Variants in DNAJA2 observed in about 807,000 individuals in gnomAD.
DNAJA2 encodes the protein dnaJ homolog subfamily A member 2.
Under a neutral mutation model 49.3 loss-of-function variants are expected in DNAJA2, and 6 were observed. The ratio of observed to expected loss-of-function variants is 0.12; its 90% CI spans 0.07 to 0.24. The LOEUF (loss-of-function observed/expected upper bound fraction) is 0.24, where lower values mean the gene tolerates loss of function less well. Among genes scored for constraint, DNAJA2 ranks in the 10% least tolerant of loss-of-function variants. The pLI, the probability that DNAJA2 is intolerant of heterozygous loss-of-function variation, is 1.00. For missense variants in DNAJA2, 347 were observed against 516.8 expected (o/e 0.67, Z 3.19); for synonymous variants, 160 against 172.7 (o/e 0.93, Z 0.58).
intron 3 of DNAJA2, among the ~76,000 whole-genome samples, chr16:46,969,858 T>C (rs551837223): frequency 3.9e-5 from 6 of 152,324 alleles, no homozygotes; most frequent in South Asian, 2.1e-4. Context: ...TGAAGAACTA[T>C]AAAGTACAGA....
intron 1 of DNAJA2, chr16:46,972,511 A>G (rs915909807): frequency 1.9e-5 from 3 of 155,000 alleles, no homozygotes; most frequent in African/African-American, 7.2e-5. Flanking sequence ...TCGGTGGTAG[A>G]GAAGTTGCAC....
In DNAJA2 at chr16:46,956,307, T is replaced by TA. The variant is rs1347888124; in HGVS notation, c.*721dup. Reference sequence around the variant, plus strand: ...TATAAGCTTCAGGCCAATGGGTTTTTATGGGCTGTTTAAGAACCAGTACTA... The same window carrying TA: ...TATAAGCTTCAGGCCAATGGGTTTTTAATGGGCTGTTTAAGAACCAGTACTA... On this transcript the variant is annotated 3_prime_UTR_variant, in exon 9 of 9. Coordinates refer to ENST00000317089, the MANE Select transcript of DNAJA2 (RefSeq NM_005880.4). 6.6e-6 allele frequency: 1 copy of TA among 152,198 alleles called. No individual in the cohort carries two copies. Among genetic ancestry groups the TA allele is most frequent in the Non-Finnish European group, 1.5e-5 (1 of 68,044 alleles). 9.4% of individuals were successfully genotyped at this position (152,198 alleles called of 1,614,324 possible).
intron 3 of DNAJA2, among the ~76,000 whole-genome samples, chr16:46,970,910 T>C (rs1305812644): frequency 6.6e-6 from 1 of 151,660 alleles, no homozygotes; most frequent in Non-Finnish European, 1.5e-5. Flanking sequence ...TGTTGGCATA[T>C]GCCTGTAATC....
Position 46,959,093 on chromosome 16 carries a change from C to T in DNAJA2, c.957G>A (p.Gln319=). The T allele has an allele frequency of 1.3e-6, 2 of 1,597,888 alleles. No homozygotes were observed. Among genetic ancestry groups the T allele is most frequent in the Middle Eastern group, 1.7e-4 (1 of 5,886 alleles). Residue 319 remains glutamine, a synonymous_variant, in exon 8 of 9, where the codon CAG becomes CAA. Transcript: ENST00000317089. ...CACCTTTTTCAAAGGGATTACGATA[C>T]TGCGGCATCCCTTCACCTCGAACTA... is the stretch of plus-strand genomic sequence containing the variant. The part of the protein sequence containing the change: ...VRVVRGEGMP[Q]YRNPFEKGDL...
At chr16:46,967,999 A>G in intron 4 of DNAJA2, 85 bp downstream of exon 4, 1 of 1,313,236 alleles carries the variant, frequency 7.6e-7, no homozygotes, top group Non-Finnish European at 1.1e-6. Context: ...TTTAACTTAT[A>G]ACAATTTTTA....
intron 6 of DNAJA2, among the ~76,000 whole-genome samples, chr16:46,961,865 T>C (rs1961900387): frequency 6.6e-6 from 1 of 151,722 alleles, no homozygotes; most frequent in African/African-American, 2.4e-5. Flanking sequence ...GTACAGGTTA[T>C]AGAGGCGTGA....
chr16:46,964,852 G>C lies in DNAJA2; in HGVS notation c.578-45C>G, dbSNP rs772211805. Reference sequence around the variant, plus strand: ...AAACTTTCAGCAAGAGTACTATACTGTACTCTTAATACCCTTATTCTTTAA... The same window carrying C: ...AAACTTTCAGCAAGAGTACTATACTCTACTCTTAATACCCTTATTCTTTAA... On this transcript the variant is annotated intron_variant, in intron 5 of 8. Coordinates refer to ENST00000317089, the MANE Select transcript of DNAJA2 (RefSeq NM_005880.4). The C allele has an allele frequency of 2.7e-6, 4 of 1,459,664 alleles. No homozygotes were observed. The Admixed American group carries it at 7.8e-5, about 28-fold the overall frequency. The allele number at this position is 1,459,664 out of a possible 1,614,324, so 90.4% of individuals were successfully genotyped here. A position where few individuals can be genotyped will look rare whatever the true frequency, so the allele number is the denominator to read the frequency against.
At chr16:46,966,021 C>T (rs1053595707) in intron 5 of DNAJA2, among the ~76,000 whole-genome samples, 5 of 150,474 alleles carry the variant, frequency 3.3e-5, no homozygotes, top group Admixed American at 6.6e-5. Context: ...CCCAGGAGTT[C>T]GAGACCAGCC....
chr16:46,963,870 CT>C (rs1233183535), intron 6 of DNAJA2, among the ~76,000 whole-genome samples: 1 of 152,192 alleles, frequency 6.6e-6, no homozygotes. Flanking sequence ...AAAATACAGG[CT>C]GCCTTAGATC....
chr16:46,964,736 G>C lies in DNAJA2; in HGVS notation c.649C>G (p.Leu217Val), dbSNP rs1017561265. The C allele has an allele frequency of 6.2e-7, 1 of 1,614,080 alleles. No individual in the cohort carries two copies. Among genetic ancestry groups the C allele is most frequent in the South Asian group, 1.1e-5 (1 of 91,084 alleles). ...ATGCCTTTGTCTACGTGGACTTCAAGAATCTTGACTTCTTTAATCACCTTC... is the reference window on the plus strand; with the variant it reads ...ATGCCTTTGTCTACGTGGACTTCAACAATCTTGACTTCTTTAATCACCTTC... The part of the protein sequence containing the change: ...GKKVIKEVKI[L>V]EVHVDKGMKH... Residue 217 changes from leucine (L) to valine (V), a missense_variant, in exon 6 of 9, where the codon CTT becomes GTT. By Grantham distance (32) the Leu-to-Val change is conservative. Transcript: ENST00000317089.
chr16:46,957,919 C>A (rs991759758), intron 8 of DNAJA2, among the ~76,000 whole-genome samples: 1 of 152,132 alleles, frequency 6.6e-6, no homozygotes, highest in Non-Finnish European at 1.5e-5. Flanking sequence ...GTCTACTTTA[C>A]TCCTCTACAA....
intron 1 of DNAJA2, 47 bp from the exon 2 acceptor site, chr16:46,972,002 T>C (rs1567355552): frequency 7.5e-7 from 1 of 1,340,652 alleles, no homozygotes; most frequent in Non-Finnish European, 1.1e-6. Context: ...AAACACCAGT[T>C]AAAAGTTTTG....
chr16:46,961,417 G>A (rs886381784), intron 6 of DNAJA2, among the ~76,000 whole-genome samples: 3 of 151,194 alleles, frequency 2.0e-5, no homozygotes, highest in East Asian at 2.0e-4. Flanking sequence ...GGCAGGGCAC[G>A]GTGGCTCACA....
chr16:46,955,969 G>A lies in DNAJA2; in HGVS notation c.*1060C>T, dbSNP rs548132077. 1 of 151,960 alleles carries A rather than the reference G, an allele frequency of 6.6e-6. No homozygotes were observed. The highest frequency in any genetic ancestry group is 1.5e-5 in the Non-Finnish European group (1 of 68,012). 9.4% of individuals were successfully genotyped at this position (151,960 alleles called of 1,614,324 possible). A position where few individuals can be genotyped will look rare whatever the true frequency, so the allele number is the denominator to read the frequency against. ...TCTTACTTTTCTATAAAACATTACA[G>A]AAACTCAAAATAATAATCAATGGCT... On this transcript the variant is annotated 3_prime_UTR_variant, in exon 9 of 9. Coordinates refer to ENST00000317089, the MANE Select transcript of DNAJA2 (RefSeq NM_005880.4).
At position 46,956,478 on chromosome 16, in the gene DNAJA2, A is replaced by G. The variant is rs1961814852; in HGVS notation, c.*551T>C. On this transcript the variant is annotated 3_prime_UTR_variant, in exon 9 of 9. Coordinates refer to ENST00000317089, the MANE Select transcript of DNAJA2 (RefSeq NM_005880.4). ...GAAAAAAGAAAAAAAAAACAAAACC[A>G]AAAACAAAAAAACTTTACAACCACA... 1 of 152,276 alleles carries G rather than the reference A, an allele frequency of 6.6e-6. No individual in the cohort carries two copies. The highest frequency in any genetic ancestry group is 6.6e-5 in the Admixed American group (1 of 15,264). The allele number at this position is 152,276 out of a possible 1,614,324, so 9.4% of individuals were successfully genotyped here. A position where few individuals can be genotyped will look rare whatever the true frequency, so the allele number is the denominator to read the frequency against.
At position 46,959,070 on chromosome 16, in the gene DNAJA2, C is replaced by T; in HGVS notation, c.980G>A (p.Gly327Asp). 6 of 1,613,366 alleles carry T rather than the reference C, an allele frequency of 3.7e-6. No homozygotes were observed. The highest frequency in any genetic ancestry group is 5.1e-6 in the Non-Finnish European group (6 of 1,179,768). The change falls in exon 8 of 9, where the codon GGT (glycine) becomes GAT (aspartate). Residue 327 changes from glycine (G) to aspartate (D), a missense_variant. Coordinates refer to ENST00000317089, the MANE Select transcript of DNAJA2 (RefSeq NM_005880.4). The stretch of plus-strand genomic sequence containing the variant: ...CACATCAAACTTTATGTAAAGATCA[C>T]CTTTTTCAAAGGGATTACGATACTG... The part of the protein sequence containing the change: ...MPQYRNPFEK[G>D]DLYIKFDVQF...
chr16:46,959,095 G>C lies in DNAJA2; in HGVS notation c.955C>G (p.Gln319Glu). 1 of 1,580,842 alleles carries C rather than the reference G, an allele frequency of 6.3e-7. No homozygotes were observed. Among genetic ancestry groups the C allele is most frequent in the Non-Finnish European group, 8.6e-7 (1 of 1,164,870 alleles). The stretch of plus-strand genomic sequence containing the variant: ...CCTTTTTCAAAGGGATTACGATACT[G>C]CGGCATCCCTTCACCTCGAACTACA... The part of the protein sequence containing the change: ...VRVVRGEGMP[Q>E]YRNPFEKGDL... The change falls in exon 8 of 9, where the codon CAG becomes GAG. Residue 319 changes from glutamine (Q) to glutamate (E), a missense_variant. Coordinates refer to ENST00000317089, the MANE Select transcript of DNAJA2 (RefSeq NM_005880.4).
In DNAJA2 at chr16:46,955,667, T is replaced by C. The variant is rs879022612; in HGVS notation, c.*1362A>G. The C allele has an allele frequency of 1.3e-5, 2 of 152,222 alleles. No individual in the cohort carries two copies. Among genetic ancestry groups the C allele is most frequent in the African/African-American group, 4.8e-5 (2 of 41,452 alleles). 9.4% of individuals were successfully genotyped at this position (152,222 alleles called of 1,614,324 possible). On this transcript the variant is annotated 3_prime_UTR_variant, in exon 9 of 9. Transcript: ENST00000317089. Reference sequence around the variant, plus strand: ...GCTCAGGGATGGCATTTAATACATTTAAAATTTTTAGTTTTCAGTTTTCCC... The same window carrying C: ...GCTCAGGGATGGCATTTAATACATTCAAAATTTTTAGTTTTCAGTTTTCCC...
chr16:46,972,862 C>T (rs575798276), intron 1 of DNAJA2: 3 of 152,378 alleles, frequency 2.0e-5, no homozygotes, highest in Admixed American at 1.3e-4. Flanking sequence ...AGGTACAGGA[C>T]ATTAGCATTA....
Sources: gnomAD v4.1 joint callset for allele counts (sites outside exome capture counted in the v4.1 genomes callset) on GRCh38, gnomAD v4.1.1 for gene constraint, MANE v1.5 for transcripts, NCBI Gene and HGNC (gene_info 2026-07-23, HGNC 2026-07-21) for gene names.